Variants in MIOS observed in about 807,000 individuals in gnomAD.
MIOS encodes the protein meiosis regulator for oocyte development.
A neutral mutation model predicts 96.9 loss-of-function variants in MIOS; 52 were observed. That is an observed-to-expected ratio of 0.54 (90% CI 0.43 to 0.68). The LOEUF (loss-of-function observed/expected upper bound fraction) is 0.68, where lower values mean the gene tolerates loss of function less well. Among genes scored for constraint, MIOS ranks in the 30% least tolerant of loss-of-function variants. The pLI is 0.00. For missense variants in MIOS, 1,005 were observed against 1,052.8 expected (o/e 0.95, Z 0.63); for synonymous variants, 397 against 359.5 (o/e 1.10, Z -1.18).
Position 7,589,516 on chromosome 7 carries a change from G to A in MIOS, c.1996G>A (p.Val666Ile). 6.2e-7 allele frequency: 1 copy of A among 1,613,262 alleles called. No homozygotes were observed. The highest frequency in any genetic ancestry group is 8.5e-7 in the Non-Finnish European group (1 of 1,179,458). ...TGGAGTGGACTTAATGGAGAGTTAT[G>A]TTGATAGAACTGGAGATGTTCAAAC... ...KDGVDLMESYVDRTGDVQTAS... is the reference protein window; with the variant it reads ...KDGVDLMESYIDRTGDVQTAS... Residue 666 changes from valine (V) to isoleucine (I), a missense_variant, in exon 9 of 13, where the codon GTT (valine) becomes ATT (isoleucine). By Grantham distance (29) the Val-to-Ile change is conservative. Around this residue, in one of 3 missense-constraint regions of MIOS, gnomAD observed 865 missense variants for 887.9 expected, o/e 0.97. Transcript: ENST00000340080.
intron 11 of MIOS, among the ~76,000 whole-genome samples, chr7:7,599,069 A>G (rs1047137126): frequency 1.3e-5 from 2 of 152,148 alleles, no homozygotes; most frequent in East Asian, 1.9e-4. Context: ...TAACGAATAT[A>G]AAATAAGTGA....
At chr7:7,591,059 T>A (rs939974313) in intron 9 of MIOS, among the ~76,000 whole-genome samples, 2 of 152,232 alleles carry the variant, frequency 1.3e-5, no homozygotes, top group Non-Finnish European at 2.9e-5. Flanking sequence ...CTTTTATATT[T>A]ATTCACTTAT....
Position 7,573,004 on chromosome 7 carries a change from C to T in MIOS, c.529C>T (p.Pro177Ser). The T allele has an allele frequency of 6.2e-7, 1 of 1,614,066 alleles. No individual in the cohort carries two copies. Among genetic ancestry groups the T allele is most frequent in the Non-Finnish European group, 8.5e-7 (1 of 1,179,980 alleles). ...ETETTLLVTK[P>S]LYELGQNDAC... ...TGAAACAACATTATTAGTAACAAAA[C>T]CACTTTATGAGTTAGGACAGAATGA... Residue 177 changes from proline to serine, a missense_variant, in exon 4 of 13, where the codon CCA becomes TCA. By Grantham distance (74) the Pro-to-Ser change is moderately conservative. Transcript: ENST00000340080. The surrounding 1 kb of genome is among the most constrained non-coding windows in gnomAD (Gnocchi z 5.0).
Position 7,573,009 on chromosome 7 carries a change from T to G in MIOS, c.534T>G (p.Leu178=), listed in dbSNP as rs1001487944. 5.0e-6 allele frequency: 8 copies of G among 1,613,960 alleles called. No individual in the cohort carries two copies. The highest frequency in any genetic ancestry group is 6.8e-6 in the Non-Finnish European group (8 of 1,179,976). ...CAACATTATTAGTAACAAAACCACT[T>G]TATGAGTTAGGACAGAATGATGCTT... ...TETTLLVTKP[L]YELGQNDACL... The change falls in exon 4 of 13, where the codon CTT becomes CTG. Residue 178 remains leucine (L), a synonymous_variant. Coordinates refer to ENST00000340080, the MANE Select transcript of MIOS (RefSeq NM_019005.4). The surrounding 1 kb of genome is among the most constrained non-coding windows in gnomAD (Gnocchi z 5.0).
At chr7:7,606,857 A>G (rs549493784) in intron 12 of MIOS, 139 bp from the exon 13 acceptor site, 4 of 630,224 alleles carry the variant, frequency 6.3e-6, no homozygotes, top group East Asian at 6.1e-5. Context: ...AGGCTGAGGC[A>G]GGAGGATCAC....
chr7:7,575,392 T>C (rs1347576761), intron 5 of MIOS, among the ~76,000 whole-genome samples: 1 of 152,122 alleles, frequency 6.6e-6, no homozygotes, highest in Non-Finnish European at 1.5e-5. Flanking sequence ...TCAGTTTGAT[T>C]TTATTGTTTT....
At chr7:7,577,640 G>A (rs1783580407) in intron 5 of MIOS, among the ~76,000 whole-genome samples, 1 of 152,198 alleles carries the variant, frequency 6.6e-6, no homozygotes, top group East Asian at 1.9e-4. Flanking sequence ...CAGAGCACAG[G>A]TTTCTTTAGC....
chr7:7,589,463 G>A lies in MIOS; in HGVS notation c.1943G>A (p.Gly648Glu). 1 of 1,613,652 alleles carries A rather than the reference G, an allele frequency of 6.2e-7. No individual in the cohort carries two copies. ...ATGAAAGAGGCTGGAAATTTGGAAG[G>A]AATTTTGCTTACAGGCCTTACTAAA... ...NEMKEAGNLEGILLTGLTKDG... is the reference protein window; with the variant it reads ...NEMKEAGNLEEILLTGLTKDG... Residue 648 changes from glycine to glutamate, a missense_variant, in exon 9 of 13, where the codon GGA becomes GAA. This residue lies in a region of MIOS where 865 missense variants were observed against 887.9 expected (regional missense o/e 0.97). Transcript: ENST00000340080.
At chr7:7,605,727 A>G in intron 11 of MIOS, 1 of 435,952 alleles carries the variant, frequency 2.3e-6, no homozygotes, top group East Asian at 3.9e-5. Flanking sequence ...GTGGGTTTGG[A>G]TTTTTTTTTC....
rs779250410 is a variant in MIOS at position 7,572,678 on chromosome 7, G to A, written c.203G>A (p.Trp68Ter). The A allele has an allele frequency of 3.1e-6, 5 of 1,614,114 alleles. No individual in the cohort carries two copies. The highest frequency in any genetic ancestry group is 4.2e-6 in the Non-Finnish European group (5 of 1,179,996). Reference protein sequence around the residue: ...SDTPYMKCVAWYLNYDPECLL... With the variant: ...SDTPYMKCVA ...ACACCCTATATGAAATGTGTTGCCTGGTATCTTAATTATGATCCTGAATGT... is the reference window on the plus strand; with the variant it reads ...ACACCCTATATGAAATGTGTTGCCTAGTATCTTAATTATGATCCTGAATGT... The change falls in exon 4 of 13, where the codon TGG becomes TAG. Residue 68 changes from tryptophan to a stop codon, truncating the protein, a stop_gained. Coordinates refer to ENST00000340080, the MANE Select transcript of MIOS (RefSeq NM_019005.4). LOFTEE classifies it high-confidence loss of function. The surrounding 1 kb of genome is among the most constrained non-coding windows in gnomAD (Gnocchi z 4.8).
In MIOS at chr7:7,574,191, C is replaced by T. The variant is rs748708655; in HGVS notation, c.1388C>T (p.Ser463Leu). 1.4e-5 allele frequency: 23 copies of T among 1,596,306 alleles called. No homozygotes were observed. Among genetic ancestry groups the T allele is most frequent in the Admixed American group, 1.2e-4 (7 of 57,362 alleles). ...GGAATTAAATCAATTGTAAAGTCAT[C>T]GTTGGGTAAGAAAATTCTATTTCAT... is the stretch of plus-strand genomic sequence containing the variant. ...YAGIKSIVKSSLGMVESSRHN... is the reference protein window; with the variant it reads ...YAGIKSIVKSLLGMVESSRHN... Residue 463 changes from serine to leucine, a missense_variant, in exon 5 of 13, where the codon TCG (serine) becomes TTG (leucine). By Grantham distance (145) the Ser-to-Leu change is moderately radical. Around this residue, in one of 3 missense-constraint regions of MIOS, gnomAD observed 865 missense variants for 887.9 expected, o/e 0.97. Transcript: ENST00000340080.
chr7:7,580,077 G>C (rs895645679), intron 5 of MIOS, among the ~76,000 whole-genome samples: 1 of 152,146 alleles, frequency 6.6e-6, no homozygotes, highest in Non-Finnish European at 1.5e-5. Flanking sequence ...CTAAATACCA[G>C]CTTTAAATCC....
At position 7,572,582 on chromosome 7, in the gene MIOS, C is replaced by T; in HGVS notation, c.107C>T (p.Ser36Leu). 1 of 1,614,062 alleles carries T rather than the reference C, an allele frequency of 6.2e-7. No homozygotes were observed. The highest frequency in any genetic ancestry group is 8.5e-7 in the Non-Finnish European group (1 of 1,179,956). Reference sequence around the variant, plus strand: ...TATCATGTGGAATCTACTGTGAATTCAGAACTCAAAGCTGGATCTTTACGT... The same window carrying T: ...TATCATGTGGAATCTACTGTGAATTTAGAACTCAAAGCTGGATCTTTACGT... Reference protein sequence around the residue: ...SLYHVESTVNSELKAGSLRLS... With the variant: ...SLYHVESTVNLELKAGSLRLS... Residue 36 changes from serine to leucine, a missense_variant, in exon 4 of 13, where the codon TCA (serine) becomes TTA (leucine). Coordinates refer to ENST00000340080, the MANE Select transcript of MIOS (RefSeq NM_019005.4). The surrounding 1 kb of genome is among the most constrained non-coding windows in gnomAD (Gnocchi z 4.8).
rs892365042 is a variant in MIOS, at chr7:7,582,877, A to C, written c.1394-241A>C. 1.2e-5 allele frequency: 5 copies of C among 419,902 alleles called. No individual in the cohort carries two copies. The Admixed American group carries it at 1.3e-4, about 11-fold the overall frequency. The allele number at this position is 419,902 out of a possible 1,614,324, so 26.0% of individuals were successfully genotyped here. ...AGATTAGGTGGCCAGGCAGTAACTC[A>C]GTTTAGTCCATCTGAGCATTTGCTC... On this transcript the variant is annotated intron_variant, in intron 5 of 12. Coordinates refer to ENST00000340080, the MANE Select transcript of MIOS (RefSeq NM_019005.4).
At chr7:7,597,492 A>ATG (rs1784243451) in intron 11 of MIOS, among the ~76,000 whole-genome samples, 1 of 63,518 alleles carries the variant, frequency 1.6e-5, no homozygotes, top group South Asian at 4.5e-4. Context: ...ATATATATAT[A>ATG]TATATATATA....
chr7:7,591,803 G>C (rs1784055158), intron 9 of MIOS, among the ~76,000 whole-genome samples: 1 of 152,056 alleles, frequency 6.6e-6, no homozygotes, highest in African/African-American at 2.4e-5. Context: ...TTTTTCAGCA[G>C]ATTTGGGAAG....
At chr7:7,575,018 G>A (rs1783483761) in intron 5 of MIOS, among the ~76,000 whole-genome samples, 1 of 152,018 alleles carries the variant, frequency 6.6e-6, no homozygotes, top group Non-Finnish European at 1.5e-5. Flanking sequence ...TATCATCTCA[G>A]CACTTAGAAA....
rs895506781 is a variant in MIOS at position 7,573,043 on chromosome 7, C to G, written c.568C>G (p.Leu190Val). The change falls in exon 4 of 13, where the codon CTT becomes GTT. Residue 190 changes from leucine to valine, a missense_variant. Leu to Val is a conservative substitution (Grantham distance 32). This residue lies in a region of MIOS where 865 missense variants were observed against 887.9 expected (regional missense o/e 0.97). Transcript: ENST00000340080. The surrounding 1 kb of genome is among the most constrained non-coding windows in gnomAD (Gnocchi z 5.0). Reference protein sequence around the residue: ...ELGQNDACLSLCWLPRDQKLL... With the variant: ...ELGQNDACLSVCWLPRDQKLL... ...AGGACAGAATGATGCTTGTCTGTCT[C>G]TTTGTTGGCTTCCACGAGACCAGAA... 1 of 1,613,920 alleles carries G rather than the reference C, an allele frequency of 6.2e-7. No individual in the cohort carries two copies. Among genetic ancestry groups the G allele is most frequent in the Admixed American group, 1.7e-5 (1 of 59,960 alleles).
At chr7:7,599,132 G>C (rs1032769548) in intron 11 of MIOS, among the ~76,000 whole-genome samples, 3 of 152,034 alleles carry the variant, frequency 2.0e-5, no homozygotes, top group Non-Finnish European at 4.4e-5. Flanking sequence ...TCATTTCAAA[G>C]TCTCTAAAAA....
Sources: gnomAD v4.1 joint callset for allele counts (sites outside exome capture counted in the v4.1 genomes callset) on GRCh38, gnomAD v4.1.1 for gene constraint, gnomAD v4.1.1 regional missense constraint, Gnocchi (gnomAD v3.1) non-coding constraint, MANE v1.5 for transcripts, NCBI Gene and HGNC (gene_info 2026-07-23, HGNC 2026-07-21) for gene names.